Variants in VAV1 observed in about 807,000 individuals in gnomAD.
The protein encoded by VAV1 is proto-oncogene vav.
Under a neutral mutation model 128.1 loss-of-function variants are expected in VAV1, and 33 were observed. The ratio of observed to expected loss-of-function variants is 0.26; its 90% CI spans 0.20 to 0.34. The LOEUF is 0.34. Ranked by LOEUF, VAV1 falls within the 10% of genes least tolerant of loss-of-function variation. The pLI is 1.00. For synonymous variants in VAV1, 394 were observed against 409.8 expected (o/e 0.96, Z 0.47); for missense variants, 715 against 1,093.7 (o/e 0.65, Z 4.88).
intron 1 of VAV1, among the ~76,000 whole-genome samples, chr19:6,776,345 C>A (rs996251253): frequency 7.3e-6 from 1 of 136,662 alleles, no homozygotes; most frequent in Non-Finnish European, 1.6e-5. Context: ...TTCATCCATC[C>A]ACTCATCTAT....
At chr19:6,839,570 GT>G (rs1415748426) in intron 21 of VAV1, among the ~76,000 whole-genome samples, 2 of 151,728 alleles carry the variant, frequency 1.3e-5, no homozygotes, top group Non-Finnish European at 2.9e-5. Context: ...GCCCGGCTGG[GT>G]ATGGCATTTT....
At chr19:6,814,671 C>CTCTCTCTCTCTCTCTCTCTCTCTCT (rs540074087) in intron 1 of VAV1, among the ~76,000 whole-genome samples, 4 of 25,796 alleles carry the variant, frequency 1.6e-4, no homozygotes, top group Admixed American at 1.2e-3. Context: ...TTCCTTCCTT[C>CTCTCTCTCTCTCTCTCTCTCTCTCT]CTTTCTTTCT....
intron 1 of VAV1, among the ~76,000 whole-genome samples, chr19:6,818,162 C>A (rs1379108410): frequency 6.6e-6 from 1 of 152,136 alleles, no homozygotes; most frequent in Non-Finnish European, 1.5e-5. Flanking sequence ...CTGTGTTGAC[C>A]AGGCTGGTCT....
chr19:6,836,321 C>A, intron 19 of VAV1, 111 bp from the exon 20 acceptor site: 1 of 1,357,866 alleles, frequency 7.4e-7, no homozygotes, highest in Non-Finnish European at 1.0e-6. Flanking sequence ...CTTGTCAACA[C>A]TTAGTATTGC....
intron 14 of VAV1, 136 bp downstream of exon 14, chr19:6,830,054 T>A: frequency 7.3e-7 from 1 of 1,373,646 alleles, no homozygotes; most frequent in South Asian, 1.4e-5. Context: ...GTGTTTTTTG[T>A]TTGTTTGTTT....
At chr19:6,804,987 TC>T (rs1186248828) in intron 1 of VAV1, among the ~76,000 whole-genome samples, 2 of 151,528 alleles carry the variant, frequency 1.3e-5, no homozygotes, top group African/African-American at 4.8e-5. Flanking sequence ...CGCCTCAGCC[TC>T]CCTAAGTGCT....
chr19:6,805,505 G>A (rs1279459714), intron 1 of VAV1, among the ~76,000 whole-genome samples: 1 of 151,350 alleles, frequency 6.6e-6, no homozygotes, highest in African/African-American at 2.4e-5. Context: ...ACCTTAGGAG[G>A]CTGAGGCAGG....
chr19:6,826,648 G>A lies in VAV1; in HGVS notation c.864G>A (p.Glu288=), dbSNP rs1971924337. 2 of 1,561,574 alleles carry A rather than the reference G, an allele frequency of 1.3e-6. No individual in the cohort carries two copies. Among genetic ancestry groups the A allele is most frequent in the African/African-American group, 1.4e-5 (1 of 73,612 alleles). Residue 288 remains glutamate, a synonymous_variant, in exon 9 of 27, where the codon GAG becomes GAA. Coordinates refer to ENST00000602142, the MANE Select transcript of VAV1 (RefSeq NM_005428.4). This position sits in a 1 kb window ranked among gnomAD's most constrained non-coding sequence, Gnocchi z 4.1. ...ATGGCCGCTACTGCAGCCAGGTGGA[G>A]TCAGCCAGCAAACACCTGGACCGTG... ...LVYGRYCSQV[E]SASKHLDRVA...
intron 2 of VAV1, 113 bp from the exon 3 acceptor site, chr19:6,821,509 G>A: frequency 2.4e-6 from 3 of 1,264,416 alleles, no homozygotes; most frequent in Non-Finnish European, 3.5e-6. Flanking sequence ...TCCTGAATTA[G>A]GCTTCCAAGA....
Position 6,836,900 on chromosome 19 carries a change from C to T in VAV1, c.1915-85C>T, listed in dbSNP as rs1651879. On this transcript the variant is annotated intron_variant, in intron 20 of 26. Coordinates refer to ENST00000602142, the MANE Select transcript of VAV1 (RefSeq NM_005428.4). ...CACACGAGTGATGGGGCAGGATCCA[C>T]GTGTAGGGTTATGGGTTTAGATGGC... is the stretch of plus-strand genomic sequence containing the variant. 0.023 allele frequency: 29,885 copies of T among 1,315,698 alleles called. 4,376 individuals carry two copies. The African/African-American group carries it at 0.35, about 15-fold the overall frequency. The allele number at this position is 1,315,698 out of a possible 1,614,324, so 81.5% of individuals were successfully genotyped here.
chr19:6,828,439 G>T lies in VAV1; in HGVS notation c.1044G>T (p.Gln348His). ...LLLQELVKHT[Q>H]EAMEKENLRL... ...CTCAGGAGCTGGTGAAACACACGCA[G>T]GAGGCGATGGAGAAGGAGAACCTGC... Residue 348 changes from glutamine to histidine, a missense_variant, in exon 11 of 27, where the codon CAG becomes CAT. Physicochemically the swap from Gln to His is conservative, Grantham distance 24. Transcript: ENST00000602142. The surrounding 1 kb of genome is among the most constrained non-coding windows in gnomAD (Gnocchi z 4.5). The T allele has an allele frequency of 2.5e-6, 4 of 1,614,192 alleles. No individual in the cohort carries two copies. The highest frequency in any genetic ancestry group is 3.4e-6 in the Non-Finnish European group (4 of 1,180,048).
chr19:6,811,647 A>T (rs1971514852), intron 1 of VAV1, among the ~76,000 whole-genome samples: 1 of 152,192 alleles, frequency 6.6e-6, no homozygotes, highest in African/African-American at 2.4e-5. Context: ...CCCAGACAGC[A>T]GTCCTTTATT....
At chr19:6,823,038 AT>A (rs1462285333) in intron 6 of VAV1, among the ~76,000 whole-genome samples, 4 of 148,134 alleles carry the variant, frequency 2.7e-5, no homozygotes, top group Non-Finnish European at 5.9e-5. Flanking sequence ...ATAGATATAT[AT>A]TTTTAATATA....
chr19:6,812,490 A>G (rs1357181878), intron 1 of VAV1, among the ~76,000 whole-genome samples: 1 of 152,118 alleles, frequency 6.6e-6, no homozygotes, highest in African/African-American at 2.4e-5. Context: ...CCCTGTCTCT[A>G]CTAAAAAGAA....
chr19:6,837,280 T>G (rs1330831666), intron 21 of VAV1, among the ~76,000 whole-genome samples: 1 of 152,188 alleles, frequency 6.6e-6, no homozygotes, highest in Non-Finnish European at 1.5e-5. Flanking sequence ...TAAAGGTCCT[T>G]TCCTTCCTAC....
intron 1 of VAV1, among the ~76,000 whole-genome samples, chr19:6,775,084 C>T (rs1970595145): frequency 6.6e-6 from 1 of 152,038 alleles, no homozygotes; most frequent in Non-Finnish European, 1.5e-5. Context: ...TCTTTAGTGC[C>T]AGGGGATTAC....
intron 1 of VAV1, among the ~76,000 whole-genome samples, chr19:6,776,443 T>TCCATCCATCCAC (rs1568279130): frequency 1.4e-4 from 16 of 115,982 alleles, no homozygotes; most frequent in African/African-American, 2.5e-4. Context: ...CATCCATCCA[T>TCCATCCATCCAC]CCACCCACCC....
intron 1 of VAV1, among the ~76,000 whole-genome samples, chr19:6,794,356 C>G (rs1971081454): frequency 1.3e-5 from 2 of 151,938 alleles, no homozygotes; most frequent in South Asian, 4.1e-4. Context: ...AGAGGAAAAC[C>G]AGGCCAGGCG....
At chr19:6,783,413 G>T (rs1342742840) in intron 1 of VAV1, among the ~76,000 whole-genome samples, 2 of 151,328 alleles carry the variant, frequency 1.3e-5, no homozygotes, top group Admixed American at 1.3e-4. Context: ...ACTGGGGAAA[G>T]AGCGCTATGA....
Sources: gnomAD v4.1 joint callset for allele counts (sites outside exome capture counted in the v4.1 genomes callset) on GRCh38, gnomAD v4.1.1 for gene constraint, Gnocchi (gnomAD v3.1) non-coding constraint, MANE v1.5 for transcripts, NCBI Gene and HGNC (gene_info 2026-07-23, HGNC 2026-07-21) for gene names.